Variants in SUCLG1 observed in about 807,000 individuals in gnomAD.
SUCLG1 encodes the protein succinate-CoA ligase GDP/ADP-forming subunit alpha, also known as succinate--CoA ligase [ADP/GDP-forming] subunit alpha, mitochondrial.
Under a neutral mutation model 37.3 loss-of-function variants are expected in SUCLG1, and 26 were observed. That is an observed-to-expected ratio of 0.70 (90% CI 0.51 to 0.97). The LOEUF is 0.97. Among genes scored for constraint, SUCLG1 ranks in the 50% least tolerant of loss-of-function variants. The pLI is 0.00. For synonymous variants in SUCLG1, 163 were observed against 155.6 expected, an observed-to-expected ratio of 1.05 and a Z score of -0.36; for missense variants, 433 against 432.9, an observed-to-expected ratio of 1.00 and a Z score of 0.00.
chr2:84,449,818 CAAT>C, intron 1 of SUCLG1, 66 bp from the exon 2 acceptor site: 1 of 1,212,558 alleles, frequency 8.2e-7, no homozygotes, highest in East Asian at 2.7e-5. Context: ...AACTTTTGAA[CAAT>C]AATTCAACTT....
At chr2:84,428,926 T>C (rs1325797267) in intron 7 of SUCLG1, among the ~76,000 whole-genome samples, 1 of 152,204 alleles carries the variant, frequency 6.6e-6, no homozygotes, top group Non-Finnish European at 1.5e-5. Flanking sequence ...GTTTGCTGTA[T>C]ACCTACCATT....
chr2:84,423,791 G>T lies in SUCLG1; in HGVS notation c.1015-19C>A. 1 of 1,602,530 alleles carries T rather than the reference G, an allele frequency of 6.2e-7. No homozygotes were observed. Among genetic ancestry groups the T allele is most frequent in the Non-Finnish European group, 8.5e-7 (1 of 1,174,170 alleles). On this transcript the variant is annotated intron_variant, in intron 8 of 8. Transcript: ENST00000393868. ...CAAATTCCTTCAGAAACAGAAGAGA[G>T]AGAGAAGAGAGATGGAATGAATAAA...
chr2:84,451,248 G>A (rs188518776), intron 1 of SUCLG1, among the ~76,000 whole-genome samples: 90 of 152,208 alleles, frequency 5.9e-4, no homozygotes, highest in Admixed American at 6.5e-4. Flanking sequence ...GGCTTTACCA[G>A]TCCCTCCCAT....
chr2:84,448,397 A>G (rs1366060281), intron 2 of SUCLG1, among the ~76,000 whole-genome samples: 1 of 151,894 alleles, frequency 6.6e-6, no homozygotes, highest in Admixed American at 6.6e-5. Flanking sequence ...ACTAAACCTA[A>G]TATGTTTACA....
chr2:84,429,299 G>A (rs917026933), intron 7 of SUCLG1, among the ~76,000 whole-genome samples: 25 of 152,044 alleles, frequency 1.6e-4, no homozygotes, highest in African/African-American at 5.8e-4. Context: ...CAGGGATTCA[G>A]AATTGGGCCC....
At chr2:84,439,181 CTTTTT>C (rs377710904) in intron 5 of SUCLG1, among the ~76,000 whole-genome samples, 1 of 143,258 alleles carries the variant, frequency 7.0e-6, no homozygotes, top group Non-Finnish European at 1.5e-5. Context: ...ATATTTTCTT[CTTTTT>C]TTTAAAAAAA....
intron 5 of SUCLG1, among the ~76,000 whole-genome samples, chr2:84,440,607 A>C (rs188105526): frequency 6.6e-6 from 1 of 152,352 alleles, no homozygotes; most frequent in African/African-American, 2.4e-5. Flanking sequence ...ACCTGTACAC[A>C]AATGTTGACC....
At position 84,441,412 on chromosome 2, in the gene SUCLG1, C is replaced by T. The variant is rs1451920382; in HGVS notation, c.366G>A (p.Pro122=). ...CATTAATGGCAGCAGCAGCAAAAGG[C>T]GGAGGAACATAAATGACAGAAGCCG... ...GATASVIYVP[P]PFAAAAINEA... The change falls in exon 4 of 9, where the codon CCG becomes CCA. Residue 122 remains proline (P), a synonymous_variant. Transcript: ENST00000393868. 1.2e-5 allele frequency: 20 copies of T among 1,614,088 alleles called. No individual in the cohort carries two copies. Among genetic ancestry groups the T allele is most frequent in the East Asian group, 4.5e-5 (2 of 44,886 alleles).
At chr2:84,440,394 A>G (rs1672749690) in intron 5 of SUCLG1, among the ~76,000 whole-genome samples, 1 of 152,140 alleles carries the variant, frequency 6.6e-6, no homozygotes. Context: ...GACTAACAAT[A>G]CCAAATCTTT....
chr2:84,444,892 G>C (rs1001471094), intron 2 of SUCLG1, among the ~76,000 whole-genome samples: 3 of 152,226 alleles, frequency 2.0e-5, no homozygotes, highest in Non-Finnish European at 4.4e-5. Context: ...CGGCTCACCG[G>C]TGGTCAGAGT....
At chr2:84,431,350 C>T (rs1672610857) in intron 7 of SUCLG1, among the ~76,000 whole-genome samples, 158 bp downstream of exon 7, 1 of 152,126 alleles carries the variant, frequency 6.6e-6, no homozygotes, top group Admixed American at 6.6e-5. Flanking sequence ...AGAAATAATA[C>T]AGAATTGTCT....
Position 84,455,321 on chromosome 2 carries a change from C to T in SUCLG1, c.97+3852G>A, listed in dbSNP as rs188755214. Among the ~76,000 whole-genome samples, 910 of 152,112 alleles carry T rather than the reference C, an allele frequency of 6.0e-3. 5 individuals are homozygous for T. Among genetic ancestry groups the T allele is most frequent in the Non-Finnish European group, 9.0e-3 (615 of 67,988 alleles). Reference sequence around the variant, plus strand: ...ACCAGCCTGACCAACATGGAGAAACCCCGTCTCTACTAAAAATACAAAATT... The same window carrying T: ...ACCAGCCTGACCAACATGGAGAAACTCCGTCTCTACTAAAAATACAAAATT... On this transcript the variant is annotated intron_variant, in intron 1 of 8. Transcript: ENST00000393868.
chr2:84,459,140 G>A lies in SUCLG1; in HGVS notation c.97+33C>T, dbSNP rs1270704577. ...GGGTCCGGCGGGGCCAATAACCCGC[G>A]GGCGCCAGGAAGACAGTACTGGCTG... On this transcript the variant is annotated intron_variant, in intron 1 of 8. Transcript: ENST00000393868. 6.5e-6 allele frequency: 10 copies of A among 1,528,078 alleles called. No homozygotes were observed. The South Asian group carries it at 9.6e-5, about 15-fold the overall frequency. 94.7% of individuals were successfully genotyped at this position (1,528,078 alleles called of 1,614,324 possible).
chr2:84,424,561 G>T (rs755192004), intron 8 of SUCLG1, among the ~76,000 whole-genome samples: 1 of 152,016 alleles, frequency 6.6e-6, no homozygotes, highest in South Asian at 2.1e-4. Flanking sequence ...CTAAGACAAG[G>T]GCAAAGAAGA....
rs570310549 is a variant in SUCLG1, at chr2:84,423,528, T to C, written c.*218A>G. On this transcript the variant is annotated 3_prime_UTR_variant, in exon 9 of 9. Transcript: ENST00000393868. ...ACAATAATAAGCCTCCAAAACCATA[T>C]TGAAATCAAATAGTAGATTTATTGG... The C allele has an allele frequency of 5.1e-5, 31 of 603,252 alleles. No individual in the cohort carries two copies. Among genetic ancestry groups the C allele is most frequent in the Middle Eastern group, 2.8e-4 (1 of 3,554 alleles). The allele number at this position is 603,252 out of a possible 1,614,324, so 37.4% of individuals were successfully genotyped here.
chr2:84,449,160 A>T (rs1053672551), intron 2 of SUCLG1, among the ~76,000 whole-genome samples: 9 of 152,210 alleles, frequency 5.9e-5, no homozygotes, highest in African/African-American at 1.9e-4. Flanking sequence ...CAGAGAAAGT[A>T]TAAGATGAAA....
intron 1 of SUCLG1, among the ~76,000 whole-genome samples, chr2:84,451,080 A>G (rs969668141): frequency 6.6e-6 from 1 of 152,138 alleles, no homozygotes; most frequent in African/African-American, 2.4e-5. Context: ...CCCTGTCCCT[A>G]CTGAGCTGTG....
At chr2:84,437,014 A>G (rs559921020) in intron 5 of SUCLG1, among the ~76,000 whole-genome samples, 1 of 152,170 alleles carries the variant, frequency 6.6e-6, no homozygotes, top group East Asian at 1.9e-4. Context: ...ACCCTAATGC[A>G]TAACAAATGA....
chr2:84,454,062 T>C (rs1223291249), intron 1 of SUCLG1, among the ~76,000 whole-genome samples: 1 of 152,168 alleles, frequency 6.6e-6, no homozygotes, highest in African/African-American at 2.4e-5. Flanking sequence ...ACTCCTTAAA[T>C]TGGCACCAGG....
Sources: gnomAD v4.1 joint callset for allele counts (sites outside exome capture counted in the v4.1 genomes callset) on GRCh38, gnomAD v4.1.1 for gene constraint, MANE v1.5 for transcripts, NCBI Gene and HGNC (gene_info 2026-07-23, HGNC 2026-07-21) for gene names.